Variants in DCHS2 observed in about 807,000 individuals in gnomAD.
DCHS2 encodes the protein protocadherin-23.
Under a neutral mutation model 182.4 loss-of-function variants are expected in DCHS2, and 142 were observed. That is an observed-to-expected ratio of 0.78 (90% CI 0.68 to 0.89). The LOEUF (loss-of-function observed/expected upper bound fraction) is 0.89, where lower values mean the gene tolerates loss of function less well. Among genes scored for constraint, DCHS2 ranks in the 40% least tolerant of loss-of-function variants. The pLI is 0.00. For missense variants in DCHS2, 4,319 were observed against 4,198.6 expected (o/e 1.03, Z -0.79); for synonymous variants, 1,740 against 1,663.3 (o/e 1.05, Z -1.12).
chr4:154,250,172 G>T (rs1732283686), intron 16 of DCHS2, among the ~76,000 whole-genome samples: 1 of 152,156 alleles, frequency 6.6e-6, no homozygotes, highest in Non-Finnish European at 1.5e-5. Flanking sequence ...ATACCTCATG[G>T]ATACTGAGAG....
chr4:154,467,242 C>A (rs903885776), intron 1 of DCHS2, among the ~76,000 whole-genome samples: 9 of 152,128 alleles, frequency 5.9e-5, no homozygotes, highest in Admixed American at 5.2e-4. Flanking sequence ...GCTTAATATA[C>A]AATACACCTG....
intron 12 of DCHS2, among the ~76,000 whole-genome samples, chr4:154,301,051 C>T (rs551087823): frequency 4.6e-5 from 7 of 152,304 alleles, no homozygotes; most frequent in African/African-American, 1.4e-4. Context: ...CCTGAGAGCT[C>T]ACCTGGGATC....
rs747492434 is a variant in DCHS2, at chr4:154,334,936, G to C, written c.2645C>G (p.Thr882Ser). Residue 882 changes from threonine to serine, a missense_variant, in exon 4 of 20, where the codon ACT (threonine) becomes AGT (serine). Thr to Ser is a moderately conservative substitution (Grantham distance 58, BLOSUM62 1). Coordinates refer to ENST00000357232, the MANE Select transcript of DCHS2 (RefSeq NM_001358235.2). ...AGGCACATCTTCATAAACTAAGAAA[G>C]TGTACTTAGGCCTTTCAAACTCAGC... ...APAEFERPKY[T>S]FLVYEDVPED... The C allele has an allele frequency of 1.9e-6, 3 of 1,614,184 alleles. No homozygotes were observed. Among genetic ancestry groups the C allele is most frequent in the Non-Finnish European group, 2.5e-6 (3 of 1,180,022 alleles).
At chr4:154,261,021 CG>C (rs2111174903) in intron 14 of DCHS2, among the ~76,000 whole-genome samples, 1 of 152,172 alleles carries the variant, frequency 6.6e-6, no homozygotes, top group East Asian at 1.9e-4. Flanking sequence ...ATAAAATTTC[CG>C]ACTCAATGTA....
In DCHS2 at chr4:154,259,500, CCACACACACACACA is replaced by C. The variant is rs147630053; in HGVS notation, c.6789+31_6789+44del. 72 of 1,411,030 alleles carry C rather than the reference CCACACACACACACA, an allele frequency of 5.1e-5. No homozygotes were observed. In the African/African-American group the frequency reaches 6.2e-4, roughly 12 times the overall value. The allele number at this position is 1,411,030 out of a possible 1,614,324, so 87.4% of individuals were successfully genotyped here. On this transcript the variant is annotated intron_variant, in intron 15 of 19. Transcript: ENST00000357232. ...CTCTCTCTCTCTCACACAGACACAC[CCACACACACACACA>C]CACACACACACACAAATATATTTCT...
intron 3 of DCHS2, among the ~76,000 whole-genome samples, chr4:154,362,324 A>C (rs1730161529): frequency 6.6e-6 from 1 of 152,212 alleles, no homozygotes. Flanking sequence ...TGATTCAGAA[A>C]GAGGATTTTA....
At chr4:154,397,279 A>G (rs1204711498) in intron 1 of DCHS2, among the ~76,000 whole-genome samples, 1 of 151,700 alleles carries the variant, frequency 6.6e-6, no homozygotes, top group Non-Finnish European at 1.5e-5. Flanking sequence ...ATTCACACAT[A>G]CCATTTGGGC....
rs554960058 is a variant in DCHS2 at position 154,374,564 on chromosome 4, C to T, written c.2244+2689G>A. On this transcript the variant is annotated intron_variant, in intron 2 of 19. Transcript: ENST00000357232. ...ATAGAGTCAGGGATTCCTGAAACTA[C>T]ATAGTAAGGTATTGGCAAAAATCTA... is the stretch of plus-strand genomic sequence containing the variant. Among the ~76,000 whole-genome samples, 11 of 152,204 alleles carry T rather than the reference C, an allele frequency of 7.2e-5. No individual in the cohort carries two copies. The South Asian group carries it at 2.1e-3, about 29-fold the overall frequency.
intron 3 of DCHS2, among the ~76,000 whole-genome samples, chr4:154,346,189 T>C (rs1229220521): frequency 6.6e-6 from 1 of 152,232 alleles, no homozygotes; most frequent in Non-Finnish European, 1.5e-5. Flanking sequence ...ATATGAATTT[T>C]GGAGGGGCAC....
intron 1 of DCHS2, among the ~76,000 whole-genome samples, chr4:154,466,463 G>A (rs868236212): frequency 7.9e-5 from 12 of 152,124 alleles, no homozygotes; most frequent in South Asian, 4.1e-4. Flanking sequence ...TATAGCAAGC[G>A]GTAACGAAGC....
chr4:154,449,638 G>C (rs1417465564), intron 1 of DCHS2, among the ~76,000 whole-genome samples: 1 of 152,152 alleles, frequency 6.6e-6, no homozygotes, highest in African/African-American at 2.4e-5. Flanking sequence ...CTCCCAAAGT[G>C]CTGGGATTAC....
intron 1 of DCHS2, among the ~76,000 whole-genome samples, chr4:154,445,743 C>G (rs1251897778): frequency 6.7e-6 from 1 of 149,176 alleles, no homozygotes; most frequent in Non-Finnish European, 1.5e-5. Context: ...CCTAGGAGTT[C>G]TAGGCTGCAG....
chr4:154,489,290 C>A lies in DCHS2; in HGVS notation c.2052+14G>T. The A allele has an allele frequency of 6.7e-7, 1 of 1,498,080 alleles. No individual in the cohort carries two copies. 92.8% of individuals were successfully genotyped at this position (1,498,080 alleles called of 1,614,324 possible). On this transcript the variant is annotated intron_variant, in intron 1 of 19. Coordinates refer to ENST00000357232, the MANE Select transcript of DCHS2 (RefSeq NM_001358235.2). ...CCAAGCCTTCAGGTTGGCCCACAGG[C>A]CTGATGCACTCACCTGCAGAAAGCA...
chr4:154,274,146 C>T (rs903831502), intron 13 of DCHS2, among the ~76,000 whole-genome samples: 1 of 152,178 alleles, frequency 6.6e-6, no homozygotes, highest in Non-Finnish European at 1.5e-5. Flanking sequence ...CTATCGCTGT[C>T]AGCAGGGAAA....
At chr4:154,274,242 T>C (rs184600669) in intron 13 of DCHS2, among the ~76,000 whole-genome samples, 10 of 152,282 alleles carry the variant, frequency 6.6e-5, no homozygotes, top group Non-Finnish European at 8.8e-5. Flanking sequence ...ATCTCTCAAT[T>C]TCTAAGTGTT....
chr4:154,484,783 G>T (rs1054880082), intron 1 of DCHS2, among the ~76,000 whole-genome samples: 4 of 152,154 alleles, frequency 2.6e-5, no homozygotes, highest in Non-Finnish European at 4.4e-5. Context: ...GAGTTTAGTT[G>T]TTACTAAAAT....
chr4:154,346,895 T>C (rs1368197698), intron 3 of DCHS2, among the ~76,000 whole-genome samples: 3 of 151,908 alleles, frequency 2.0e-5, no homozygotes, highest in Non-Finnish European at 2.9e-5. Flanking sequence ...ACTGGACATT[T>C]AAAATACCCT....
chr4:154,448,606 C>T (rs1199022372), intron 1 of DCHS2, among the ~76,000 whole-genome samples: 3 of 152,180 alleles, frequency 2.0e-5, no homozygotes, highest in Non-Finnish European at 2.9e-5. Flanking sequence ...CCCCTGACCT[C>T]CATCCAAGTG....
chr4:154,431,953 A>T (rs997703286), intron 1 of DCHS2, among the ~76,000 whole-genome samples: 3 of 152,176 alleles, frequency 2.0e-5, no homozygotes, highest in Non-Finnish European at 2.9e-5. Flanking sequence ...GCCTGGATAC[A>T]TATTTTTGTT....
Sources: gnomAD v4.1 joint callset for allele counts (sites outside exome capture counted in the v4.1 genomes callset) on GRCh38, gnomAD v4.1.1 for gene constraint, MANE v1.5 for transcripts, NCBI Gene and HGNC (gene_info 2026-07-23, HGNC 2026-07-21) for gene names.